The following L3MBTL3 variants were observed in gnomAD, a reference collection of about 807,000 sequenced individuals.
L3MBTL3 encodes the protein lethal(3)malignant brain tumor-like protein 3.
Under a neutral mutation model 102.3 loss-of-function variants are expected in L3MBTL3, and 27 were observed. The observed-to-expected ratio is 0.26, with a 90% CI of 0.19 to 0.36. The LOEUF (loss-of-function observed/expected upper bound fraction) is 0.36. Ranked by LOEUF, L3MBTL3 falls within the 10% of genes least tolerant of loss-of-function variation. The pLI is 1.00. For synonymous variants in L3MBTL3, 340 were observed against 320.9 expected (o/e 1.06, Z -0.64); for missense variants, 798 against 955.3 (o/e 0.84, Z 2.17).
intron 6 of L3MBTL3, 85 bp downstream of exon 6, chr6:130,051,493 C>T (rs1467139839): frequency 3.7e-5 from 46 of 1,236,750 alleles, no homozygotes; most frequent in Non-Finnish European, 5.0e-5. Context: ...TTTATGCTCT[C>T]GGACATTGAT....
intron 2 of L3MBTL3, among the ~76,000 whole-genome samples, chr6:130,024,238 A>G (rs1162174518): frequency 1.3e-5 from 2 of 152,288 alleles, no homozygotes; most frequent in East Asian, 3.9e-4. Context: ...ATGTCCAAGT[A>G]GGGCTTTTCC....
In L3MBTL3 at chr6:130,114,614, A is replaced by G. The variant is rs79024522; in HGVS notation, c.1887-6265A>G. 4.9e-3 allele frequency among the ~76,000 whole-genome samples: 746 copies of G among 152,244 alleles called. 4 individuals carry two copies. Among genetic ancestry groups the G allele is most frequent in the Middle Eastern group, 0.017 (5 of 294 alleles). The stretch of plus-strand genomic sequence containing the variant: ...ATTCCTTTTATTGTATTCTTTCACT[A>G]GCGTATGGTCCTTATGCTAAATTAT... On this transcript the variant is annotated intron_variant, in intron 19 of 22. Transcript: ENST00000361794.
chr6:130,048,967 C>CACACACACACACACATAT (rs71678245), intron 3 of L3MBTL3, among the ~76,000 whole-genome samples: 3 of 150,454 alleles, frequency 2.0e-5, no homozygotes, highest in Non-Finnish European at 4.4e-5. Flanking sequence ...CACACACACA[C>CACACACACACACACATAT]ACATACACAC....
At chr6:130,074,385 T>C (rs764796829) in intron 13 of L3MBTL3, among the ~76,000 whole-genome samples, 1 of 152,252 alleles carries the variant, frequency 6.6e-6, no homozygotes, top group Non-Finnish European at 1.5e-5. Context: ...TCTTCTGTGC[T>C]TTTGTTACTG....
chr6:130,098,546 A>G (rs1784491827), intron 18 of L3MBTL3, among the ~76,000 whole-genome samples: 2 of 152,206 alleles, frequency 1.3e-5, no homozygotes, highest in South Asian at 4.1e-4. Flanking sequence ...TAGGGGTTAA[A>G]TGTCACTCTT....
chr6:130,098,269 A>G (rs1784476101), intron 18 of L3MBTL3, among the ~76,000 whole-genome samples: 1 of 152,114 alleles, frequency 6.6e-6, no homozygotes, highest in African/African-American at 2.4e-5. Flanking sequence ...ACATCATATT[A>G]ATTCACCATG....
At chr6:130,108,868 G>A (rs187001229) in intron 19 of L3MBTL3, among the ~76,000 whole-genome samples, 159 of 151,400 alleles carry the variant, frequency 1.1e-3, no homozygotes, top group African/African-American at 3.0e-3. Context: ...CCTGTCCCCC[G>A]CTGACAGGCC....
intron 19 of L3MBTL3, among the ~76,000 whole-genome samples, chr6:130,113,718 C>T (rs1785487937): frequency 6.6e-6 from 1 of 152,184 alleles, no homozygotes; most frequent in Admixed American, 6.5e-5. Flanking sequence ...CTACATAGAG[C>T]GGTTGCAAGA....
chr6:130,103,424 G>C (rs1430299078), intron 18 of L3MBTL3, among the ~76,000 whole-genome samples: 5 of 152,140 alleles, frequency 3.3e-5, no homozygotes, highest in African/African-American at 1.2e-4. Context: ...TTTCCTAGGA[G>C]GGTGTATCAG....
At chr6:130,083,055 A>C (rs1783464900) in intron 14 of L3MBTL3, among the ~76,000 whole-genome samples, 1 of 152,192 alleles carries the variant, frequency 6.6e-6, no homozygotes, top group African/African-American at 2.4e-5. Flanking sequence ...GGAACAAAAG[A>C]GGGCAGGAGG....
intron 14 of L3MBTL3, among the ~76,000 whole-genome samples, chr6:130,080,404 T>G (rs1266806204): frequency 6.6e-6 from 1 of 152,240 alleles, no homozygotes; most frequent in African/African-American, 2.4e-5. Flanking sequence ...CATGGTTGCT[T>G]CTTTGCCACT....
intron 16 of L3MBTL3, among the ~76,000 whole-genome samples, chr6:130,088,763 A>G (rs1783847973): frequency 1.3e-5 from 2 of 152,140 alleles, no homozygotes; most frequent in South Asian, 2.1e-4. Flanking sequence ...AATATTACCT[A>G]TATTCTACTC....
In L3MBTL3 at chr6:130,133,670, C is replaced by CT; in HGVS notation, c.2136+51dup. 6.3e-7 allele frequency: 1 copy of CT among 1,597,258 alleles called. No homozygotes were observed. The highest frequency in any genetic ancestry group is 1.1e-5 in the South Asian group (1 of 90,358). ...CCGACACCAGATACAGGATTACTGG[C>CT]TTAAGAGGTGTGGAACATTGAGCGT... On this transcript the variant is annotated intron_variant, in intron 21 of 22. Transcript: ENST00000361794. The surrounding 1 kb of genome is among the most constrained non-coding windows in gnomAD (Gnocchi z 4.9).
At position 130,061,082 on chromosome 6, in the gene L3MBTL3, C is replaced by CTT. The variant is rs146750598; in HGVS notation, c.864+961_864+962dup. ...TCCAAGTACTTTTCATCTGTTAGCT[C>CTT]TTTTTTTTTTTTTTTTTTTTGAGAT... On this transcript the variant is annotated intron_variant, in intron 10 of 22. Transcript: ENST00000361794. 1.6e-3 allele frequency among the ~76,000 whole-genome samples: 177 copies of CTT among 114,134 alleles called. 4 individuals are homozygous for CTT. Among genetic ancestry groups the CTT allele is most frequent in the African/African-American group, 5.0e-3 (165 of 33,240 alleles). 74.9% of individuals were successfully genotyped at this position (114,134 alleles called of 152,430 possible).
chr6:130,072,357 A>G (rs1392932794), intron 13 of L3MBTL3, among the ~76,000 whole-genome samples: 9 of 152,160 alleles, frequency 5.9e-5, no homozygotes, highest in Admixed American at 5.9e-4. Flanking sequence ...TGCAATTACT[A>G]TGCCATTTTG....
chr6:130,128,055 A>C (rs1486035922), intron 20 of L3MBTL3, among the ~76,000 whole-genome samples: 3 of 152,204 alleles, frequency 2.0e-5, no homozygotes, highest in Admixed American at 6.5e-5. Context: ...CTTGCAACAT[A>C]ATGTTAAATA....
At chr6:130,087,819 A>T (rs575145062) in intron 16 of L3MBTL3, among the ~76,000 whole-genome samples, 1 of 152,092 alleles carries the variant, frequency 6.6e-6, no homozygotes, top group Admixed American at 6.6e-5. Flanking sequence ...TCAGGTTTAC[A>T]TTATGTTATG....
intron 14 of L3MBTL3, among the ~76,000 whole-genome samples, chr6:130,078,965 T>C (rs986071298): frequency 1.3e-5 from 2 of 152,128 alleles, no homozygotes; most frequent in Admixed American, 6.5e-5. Context: ...AAAAAAAAAG[T>C]TCTGTTTTAA....
chr6:130,105,963 T>C (rs1784955470), intron 19 of L3MBTL3, among the ~76,000 whole-genome samples: 1 of 152,176 alleles, frequency 6.6e-6, no homozygotes, highest in East Asian at 1.9e-4. Flanking sequence ...GAGTAATCTT[T>C]ATAATGAGTC....
Sources: allele counts gnomAD v4.1 joint callset (sites outside exome capture counted in the v4.1 genomes callset), GRCh38; gene constraint gnomAD v4.1.1; non-coding constraint Gnocchi (gnomAD v3.1); transcripts MANE v1.5; gene names NCBI Gene and HGNC (gene_info 2026-07-23, HGNC 2026-07-21).